Variants in STK17B observed in about 807,000 individuals in gnomAD.
STK17B encodes serine/threonine-protein kinase 17B.
Under a neutral mutation model 42.0 loss-of-function variants are expected in STK17B, and 21 were observed. The ratio of observed to expected loss-of-function variants is 0.50; its 90% confidence interval spans 0.35 to 0.72. The LOEUF is 0.72. Ranked by LOEUF, STK17B falls within the 30% of genes least tolerant of loss-of-function variation. The pLI is 0.00. For missense variants in STK17B, 349 were observed against 446.0 expected (o/e 0.78, Z 1.96); for synonymous variants, 143 against 148.4 (o/e 0.96, Z 0.26).
At chr2:196,138,802 C>T (rs1424153648) in intron 7 of STK17B, among the ~76,000 whole-genome samples, 3 of 151,912 alleles carry the variant, frequency 2.0e-5, no homozygotes, top group Admixed American at 6.6e-5. Flanking sequence ...TCTCGAACTC[C>T]TGACCTCATG....
chr2:196,171,813 G>A (rs1325399124), upstream of STK17B, among the ~76,000 whole-genome samples: 3 of 149,800 alleles, frequency 2.0e-5, no homozygotes. Context: ...GGCGCACTCG[G>A]GCTGCCGCGA....
intron 3 of STK17B, chr2:196,155,956 G>GT (rs1699732579): frequency 6.5e-6 from 1 of 154,346 alleles, no homozygotes; most frequent in African/African-American, 2.4e-5. Context: ...AACAAACAAT[G>GT]TATTAAGCAA....
rs1699836708 is a variant in STK17B, at chr2:196,163,325, T to C, written c.59A>G (p.Gln20Arg). The stretch of plus-strand genomic sequence containing the variant: ...AAAGTTTTCCATTTTTATTGGAATT[T>C]GAGGAGTTGTAGTTAGTAGGCCTGA... ...SISGLLTTTP[Q>R]IPIKMENFNN... The change falls in exon 2 of 8, where the codon CAA becomes CGA. Residue 20 changes from glutamine (Q) to arginine (R), a missense_variant. Physicochemically the swap from Gln to Arg is conservative, Grantham distance 43. Around this residue, in one of 3 missense-constraint regions of STK17B, gnomAD observed 256 missense variants for 347.7 expected, o/e 0.74. Coordinates refer to ENST00000263955, the MANE Select transcript of STK17B (RefSeq NM_004226.4). The C allele has an allele frequency of 1.2e-6, 2 of 1,606,906 alleles. No homozygotes were observed. The highest frequency in any genetic ancestry group is 1.7e-6 in the Non-Finnish European group (2 of 1,178,358).
chr2:196,141,618 C>T (rs1406318743), intron 5 of STK17B, among the ~76,000 whole-genome samples: 1 of 152,078 alleles, frequency 6.6e-6, no homozygotes, highest in Non-Finnish European at 1.5e-5. Context: ...GAGATCCCAC[C>T]ACTGCACTCT....
chr2:196,152,375 G>T (rs1271881541), intron 3 of STK17B, among the ~76,000 whole-genome samples: 2 of 152,100 alleles, frequency 1.3e-5, no homozygotes, highest in African/African-American at 4.8e-5. Context: ...CCAAAGTGCT[G>T]GGATTACAGG....
chr2:196,145,567 C>T (rs916528966), intron 4 of STK17B, among the ~76,000 whole-genome samples: 1 of 152,098 alleles, frequency 6.6e-6, no homozygotes, highest in African/African-American at 2.4e-5. Context: ...GGAGATTACA[C>T]AATTGAGCAT....
chr2:196,156,677 T>C, intron 2 of STK17B, 26 bp from the exon 3 acceptor site: 1 of 1,575,614 alleles, frequency 6.3e-7, no homozygotes, highest in Non-Finnish European at 8.7e-7. Context: ...AACAATCAAT[T>C]TTAATTTTTC....
At chr2:196,138,990 G>A (rs974760466) in intron 7 of STK17B, among the ~76,000 whole-genome samples, 2 of 151,802 alleles carry the variant, frequency 1.3e-5, no homozygotes, top group African/African-American at 2.4e-5. Flanking sequence ...TTTTTGAGAC[G>A]GAGTCTTGCT....
intron 3 of STK17B, among the ~76,000 whole-genome samples, chr2:196,149,937 T>G (rs776815770): frequency 6.6e-6 from 1 of 152,142 alleles, no homozygotes; most frequent in Admixed American, 6.6e-5. Flanking sequence ...TGTCTCTTCC[T>G]TTTAGTTTGA....
intron 1 of STK17B, among the ~76,000 whole-genome samples, chr2:196,169,382 T>C (rs973529144): frequency 1.3e-5 from 2 of 152,184 alleles, no homozygotes; most frequent in Admixed American, 6.5e-5. Context: ...TATTCTTAAC[T>C]GCCAATCTTA....
At chr2:196,138,169 C>T (rs979198708) in intron 7 of STK17B, among the ~76,000 whole-genome samples, 4 of 152,158 alleles carry the variant, frequency 2.6e-5, no homozygotes, top group Non-Finnish European at 4.4e-5. Flanking sequence ...TTCTCATTCC[C>T]CAATCCCACT....
At chr2:196,138,418 A>G (rs1451551781) in intron 7 of STK17B, among the ~76,000 whole-genome samples, 1 of 152,228 alleles carries the variant, frequency 6.6e-6, no homozygotes, top group East Asian at 1.9e-4. Flanking sequence ...TGAAGCTTCT[A>G]GCATTTTGCT....
chr2:196,148,523 T>C (rs749864285), intron 3 of STK17B, among the ~76,000 whole-genome samples: 9 of 152,202 alleles, frequency 5.9e-5, no homozygotes, highest in Non-Finnish European at 1.3e-4. Context: ...TTAGAATATA[T>C]TTTTTGTTAG....
At chr2:196,155,723 C>T (rs972095156) in intron 3 of STK17B, among the ~76,000 whole-genome samples, 8 of 152,116 alleles carry the variant, frequency 5.3e-5, no homozygotes, top group Admixed American at 2.6e-4. Flanking sequence ...TTAGAATAAA[C>T]GTGACAGACA....
chr2:196,140,577 C>CTTTTTTT (rs58205758), intron 6 of STK17B, among the ~76,000 whole-genome samples: 2 of 101,464 alleles, frequency 2.0e-5, no homozygotes, highest in African/African-American at 3.6e-5. Context: ...CTTCTTCTAG[C>CTTTTTTT]TTTTTTTTTT....
chr2:196,152,525 C>T (rs1334626357), intron 3 of STK17B, among the ~76,000 whole-genome samples: 6 of 152,210 alleles, frequency 3.9e-5, no homozygotes, highest in African/African-American at 7.2e-5. Context: ...TAGGAATTTA[C>T]TCTAAAGCTA....
upstream of STK17B, among the ~76,000 whole-genome samples, chr2:196,172,611 C>G (rs1699961681): frequency 6.6e-6 from 1 of 152,198 alleles, no homozygotes; most frequent in Non-Finnish European, 1.5e-5. Flanking sequence ...CTAGCTGTTT[C>G]CCTTTCCTAC....
At chr2:196,143,836 G>A (rs1699528085) in intron 4 of STK17B, 150 bp from the exon 5 acceptor site, 5 of 693,496 alleles carry the variant, frequency 7.2e-6, no homozygotes, top group African/African-American at 1.9e-5. Context: ...CTACTTAGGC[G>A]GAGCTATTAT....
intron 3 of STK17B, among the ~76,000 whole-genome samples, chr2:196,150,004 G>C (rs1413190708): frequency 6.6e-6 from 1 of 151,962 alleles, no homozygotes; most frequent in Non-Finnish European, 1.5e-5. Context: ...GAGGAACATA[G>C]GTGGAGCTAC....
Sources: gnomAD v4.1 joint callset for allele counts (sites outside exome capture counted in the v4.1 genomes callset) on GRCh38, gnomAD v4.1.1 for gene constraint, gnomAD v4.1.1 regional missense constraint, MANE v1.5 for transcripts, NCBI Gene and HGNC (gene_info 2026-07-23, HGNC 2026-07-21) for gene names.